ADGRV1: variants seen among roughly 807,000 people sequenced by gnomAD.
ADGRV1 encodes adhesion G protein-coupled receptor V1.
ADGRV1 carries 359 observed loss-of-function variants against 596.2 expected under a neutral mutation model. That is an observed-to-expected ratio of 0.60 (90% CI 0.55 to 0.66). ADGRV1 has a LOEUF of 0.66. Ranked by LOEUF, ADGRV1 falls within the 30% of genes least tolerant of loss-of-function variation. ADGRV1 has a pLI of 0.00. For missense variants in ADGRV1, 7,274 were observed against 7,575.6 expected, an observed-to-expected ratio of 0.96 and a Z score of 1.48; for synonymous variants, 2,681 against 2,679.2, an observed-to-expected ratio of 1.00 and a Z score of -0.02.
chr5:90,732,984 T>A (rs575781232), intron 50 of ADGRV1, among the ~76,000 whole-genome samples: 1 of 152,238 alleles, frequency 6.6e-6, no homozygotes, highest in Non-Finnish European at 1.5e-5. Context: ...TGGCAAATGA[T>A]GATCAAAGGC....
rs1562294763 is a variant in ADGRV1, at chr5:91,158,855, GGA to G, written c.18803-4926_18803-4925del. Among the ~76,000 whole-genome samples the G allele has an allele frequency of 5.6e-3, 752 of 135,374 alleles. 12 individuals are homozygous for G. The highest frequency in any genetic ancestry group is 0.022 in the African/African-American group (701 of 31,460). 88.8% of individuals were successfully genotyped at this position (135,374 alleles called of 152,430 possible). A position where few individuals can be genotyped will look rare whatever the true frequency, so the allele number is the denominator to read the frequency against. Reference sequence around the variant, plus strand: ...TGGATGGATACATGGATGGGTGGATGGATGGATGGATGGATGGATGGATGGAT... The same window carrying G: ...TGGATGGATACATGGATGGGTGGATGTGGATGGATGGATGGATGGATGGAT... On this transcript the variant is annotated intron_variant, in intron 89 of 89. Coordinates refer to ENST00000405460, the MANE Select transcript of ADGRV1 (RefSeq NM_032119.4).
At chr5:91,085,481 C>T (rs1789786778) in intron 86 of ADGRV1, among the ~76,000 whole-genome samples, 2 of 152,196 alleles carry the variant, frequency 1.3e-5, no homozygotes, top group Admixed American at 6.5e-5. Flanking sequence ...GTGTTTTATA[C>T]ATTCTATCCT....
chr5:91,019,833 G>A (rs189773069), intron 85 of ADGRV1, among the ~76,000 whole-genome samples: 23 of 151,924 alleles, frequency 1.5e-4, no homozygotes, highest in African/African-American at 5.1e-4. Context: ...TTAAATATAT[G>A]TAGAGCGAAA....
chr5:90,905,925 A>G (rs1772281641), intron 83 of ADGRV1, among the ~76,000 whole-genome samples: 3 of 151,816 alleles, frequency 2.0e-5, no homozygotes, highest in African/African-American at 7.2e-5. Context: ...GTTTTTTGAG[A>G]GTTTTTATTA....
intron 42 of ADGRV1, among the ~76,000 whole-genome samples, chr5:90,715,655 CT>C (rs33954808): frequency 0.62 from 92,701 of 148,422 alleles, 29,256 homozygotes; most frequent in East Asian, 0.81. Flanking sequence ...GTCTACTTTT[CT>C]TTTTTTTTTT....
At chr5:90,976,322 G>GTA (rs70973719) in intron 84 of ADGRV1, among the ~76,000 whole-genome samples, 6,067 of 108,450 alleles carry the variant, frequency 0.056, 206 homozygotes, top group Non-Finnish European at 0.079. Context: ...GTGTGTGTGT[G>GTA]TATATATATA....
intron 14 of ADGRV1, among the ~76,000 whole-genome samples, 184 bp downstream of exon 14, chr5:90,644,167 G>A (rs559982879): frequency 3.9e-5 from 6 of 152,126 alleles, no homozygotes; most frequent in African/African-American, 7.2e-5. Flanking sequence ...ACATAGTATC[G>A]TGATGATACT....
At position 90,870,671 on chromosome 5, in the gene ADGRV1, T is replaced by C. The variant is rs184552448; in HGVS notation, c.17856+6814T>C. On this transcript the variant is annotated intron_variant, in intron 83 of 89. Transcript: ENST00000405460. ...GGCTACCAGACCACACCTGTGAAGTTTGTCAATGAAAGAAGAAGGCAATCA... is the reference window on the plus strand; with the variant it reads ...GGCTACCAGACCACACCTGTGAAGTCTGTCAATGAAAGAAGAAGGCAATCA... 9.6e-4 allele frequency among the ~76,000 whole-genome samples: 146 copies of C among 152,194 alleles called. 1 individual carries two copies. Among genetic ancestry groups the C allele is most frequent in the African/African-American group, 3.2e-3 (132 of 41,546 alleles).
intron 1 of ADGRV1, among the ~76,000 whole-genome samples, chr5:90,566,470 G>T (rs1046119494): frequency 2.6e-5 from 4 of 151,882 alleles, no homozygotes; most frequent in Non-Finnish European, 5.9e-5. Context: ...TAAATGTATG[G>T]TTTTATTTCT....
intron 86 of ADGRV1, among the ~76,000 whole-genome samples, chr5:91,099,781 C>T (rs911150073): frequency 2.0e-5 from 3 of 152,010 alleles, no homozygotes; most frequent in African/African-American, 4.8e-5. Context: ...GAATTAACCC[C>T]GTGATGTTGG....
intron 85 of ADGRV1, among the ~76,000 whole-genome samples, chr5:91,000,405 C>G (rs911464187): frequency 2.0e-5 from 3 of 152,008 alleles, no homozygotes; most frequent in African/African-American, 4.8e-5. Context: ...TCACAGATCC[C>G]TTGAAATGAA....
intron 83 of ADGRV1, among the ~76,000 whole-genome samples, chr5:90,952,700 A>ATAAG (rs1243368832): frequency 6.6e-6 from 1 of 152,206 alleles, no homozygotes; most frequent in African/African-American, 2.4e-5. Context: ...ATAGATAGTA[A>ATAAG]TAAGTGAAAA....
chr5:90,679,714 C>A, intron 26 of ADGRV1, 85 bp downstream of exon 26: 1 of 823,246 alleles, frequency 1.2e-6, no homozygotes, highest in Non-Finnish European at 2.0e-6. Flanking sequence ...CACTTATTGA[C>A]ACCTACTATG....
In ADGRV1 at chr5:90,653,717, C is replaced by T; in HGVS notation, c.4143C>T (p.Ile1381=). The change falls in exon 20 of 90, where the codon ATC becomes ATT. Residue 1381 remains isoleucine (I), a synonymous_variant. Transcript: ENST00000405460. ...CGAAGGATGACGGTAATGGAAGCAT[C>T]TACTACGGGGTAAAAATACAAACAA... ...IIAKDDGNGS[I]YYGVKIQTNE... is the part of the protein sequence containing the mutation. The T allele has an allele frequency of 6.2e-7, 1 of 1,613,068 alleles. No homozygotes were observed. The highest frequency in any genetic ancestry group is 8.5e-7 in the Non-Finnish European group (1 of 1,179,512).
chr5:90,930,368 T>TA (rs941244459), intron 83 of ADGRV1, among the ~76,000 whole-genome samples: 82 of 152,076 alleles, frequency 5.4e-4, no homozygotes, highest in African/African-American at 1.8e-3. Context: ...AATGCCAACT[T>TA]AAAAAAAATA....
chr5:91,093,028 G>A (rs1483907265), intron 86 of ADGRV1, among the ~76,000 whole-genome samples: 9 of 152,154 alleles, frequency 5.9e-5, no homozygotes, highest in South Asian at 4.1e-4. Flanking sequence ...TACTTCCAGC[G>A]CTTAGCACAG....
intron 82 of ADGRV1, 98 bp downstream of exon 82, chr5:90,855,999 C>A: frequency 1.0e-6 from 1 of 967,692 alleles, no homozygotes. Flanking sequence ...TGCAAACATA[C>A]CGTAATTCAT....
At chr5:91,032,635 G>T (rs1037445987) in intron 85 of ADGRV1, among the ~76,000 whole-genome samples, 1 of 151,330 alleles carries the variant, frequency 6.6e-6, no homozygotes, top group African/African-American at 2.4e-5. Context: ...TTCTTTCTTT[G>T]CCTTACTAAG....
chr5:90,859,900 C>G (rs1444852860), intron 82 of ADGRV1, among the ~76,000 whole-genome samples: 1 of 148,390 alleles, frequency 6.7e-6, no homozygotes, highest in Non-Finnish European at 1.5e-5. Context: ...GGCAACATAG[C>G]GAGACCCTGT....
Sources: allele counts gnomAD v4.1 joint callset (sites outside exome capture counted in the v4.1 genomes callset), GRCh38; gene constraint gnomAD v4.1.1; transcripts MANE v1.5; gene names NCBI Gene and HGNC (gene_info 2026-07-23, HGNC 2026-07-21).